The following USP43 variants were observed in gnomAD, a reference collection of about 807,000 sequenced individuals.
USP43 encodes the protein ubiquitin carboxyl-terminal hydrolase 43.
In USP43, 33 loss-of-function variants were observed where a neutral mutation model predicts 90.7. The observed-to-expected ratio is 0.36, with a 90% CI of 0.28 to 0.49. The LOEUF (loss-of-function observed/expected upper bound fraction) is 0.49. Ranked by LOEUF, USP43 falls within the 20% of genes least tolerant of loss-of-function variation. The pLI, the probability that USP43 is intolerant of heterozygous loss-of-function variation, is 0.98. For missense variants in USP43, 1,274 were observed against 1,476.4 expected, an observed-to-expected ratio of 0.86 and a Z score of 2.25; for synonymous variants, 598 against 615.8, an observed-to-expected ratio of 0.97 and a Z score of 0.43.
At chr17:9,692,852 T>G (rs1481988399) in intron 8 of USP43, among the ~76,000 whole-genome samples, 1 of 152,208 alleles carries the variant, frequency 6.6e-6, no homozygotes, top group Non-Finnish European at 1.5e-5. Flanking sequence ...CTGCTCCAGT[T>G]AAGCATTTAC....
chr17:9,651,201 T>A (rs1911839414), intron 1 of USP43, among the ~76,000 whole-genome samples: 2 of 152,080 alleles, frequency 1.3e-5, no homozygotes. Flanking sequence ...TTTTTGTTTT[T>A]TATTTGAGAC....
chr17:9,645,682 G>A lies in USP43; in HGVS notation c.50G>A (p.Arg17Gln), dbSNP rs924328711. ...GCAGGAGGGGGACCGCTCGCGCCCC[G>A]GCCCCGCCGCCGCCGCTCCCTGCGC... is the stretch of plus-strand genomic sequence containing the variant. ...DAAGGGPLAP[R>Q]PRRRRSLRRL... Residue 17 changes from arginine to glutamine, a missense_variant, in exon 1 of 15, where the codon CGG becomes CAG. Arg to Gln is a conservative substitution (Grantham distance 43). Transcript: ENST00000285199. This position sits in a 1 kb window ranked among gnomAD's most constrained non-coding sequence, Gnocchi z 6.8. 1.2e-5 allele frequency: 15 copies of A among 1,285,490 alleles called. No homozygotes were observed. The highest frequency in any genetic ancestry group is 6.0e-4 in the Middle Eastern group (2 of 3,324). The allele number at this position is 1,285,490 out of a possible 1,614,324, so 79.6% of individuals were successfully genotyped here.
In USP43 at chr17:9,728,812, C is replaced by T. The variant is rs1271419829; in HGVS notation, c.3194C>T (p.Ser1065Leu). The T allele has an allele frequency of 1.9e-6, 3 of 1,612,990 alleles. No homozygotes were observed. The highest frequency in any genetic ancestry group is 2.5e-6 in the Non-Finnish European group (3 of 1,179,466). Reference sequence around the variant, plus strand: ...AGCCGGCTCGAGAGGGATGTCTGGTCAGCCCCCAGCTCTCTCCGCCTCCCT... The same window carrying T: ...AGCCGGCTCGAGAGGGATGTCTGGTTAGCCCCCAGCTCTCTCCGCCTCCCT... ...LGSRLERDVWSAPSSLRLPRK... is the reference protein window; with the variant it reads ...LGSRLERDVWLAPSSLRLPRK... The change falls in exon 15 of 15, where the codon TCA (serine) becomes TTA (leucine). Residue 1065 changes from serine (S) to leucine (L), a missense_variant. Physicochemically the swap from Ser to Leu is moderately radical, Grantham distance 145 (BLOSUM62 -2). Coordinates refer to ENST00000285199, the MANE Select transcript of USP43 (RefSeq NM_153210.5). The surrounding 1 kb of genome is among the most constrained non-coding windows in gnomAD (Gnocchi z 6.2).
intron 1 of USP43, among the ~76,000 whole-genome samples, chr17:9,651,993 A>G (rs931000228): frequency 2.0e-5 from 3 of 152,178 alleles, no homozygotes; most frequent in African/African-American, 7.2e-5. Context: ...ATATGAAATA[A>G]CTAGGAATAA....
At chr17:9,682,178 C>T (rs1597846590) in intron 6 of USP43, among the ~76,000 whole-genome samples, 1 of 152,108 alleles carries the variant, frequency 6.6e-6, no homozygotes, top group African/African-American at 2.4e-5. Flanking sequence ...AAACTGGGGA[C>T]TCTGTAATGA....
At chr17:9,655,276 G>A (rs373132826) in intron 1 of USP43, among the ~76,000 whole-genome samples, 1 of 152,126 alleles carries the variant, frequency 6.6e-6, no homozygotes, top group Non-Finnish European at 1.5e-5. Context: ...ATCACGTGCT[G>A]TGTGCATGTG....
At chr17:9,672,261 G>A (rs572842141) in intron 3 of USP43, among the ~76,000 whole-genome samples, 1 of 152,180 alleles carries the variant, frequency 6.6e-6, no homozygotes, top group African/African-American at 2.4e-5. Flanking sequence ...CTCCCGAAAT[G>A]CTGGAATTAC....
Position 9,690,003 on chromosome 17 carries a change from C to T in USP43, c.1353+3094C>T, listed in dbSNP as rs765423376. 5.2e-4 allele frequency among the ~76,000 whole-genome samples: 79 copies of T among 152,286 alleles called. No homozygotes were observed. In the Middle Eastern group the frequency reaches 0.014, roughly 26 times the overall value. Reference sequence around the variant, plus strand: ...ATTTCGTCTTTGTTGAAGCCGTAGACGAACTGGAACGTGGTTAGAGTCTGG... The same window carrying T: ...ATTTCGTCTTTGTTGAAGCCGTAGATGAACTGGAACGTGGTTAGAGTCTGG... On this transcript the variant is annotated intron_variant, in intron 8 of 14. Transcript: ENST00000285199.
intron 1 of USP43, among the ~76,000 whole-genome samples, chr17:9,655,047 T>C (rs1362089393): frequency 4.6e-5 from 6 of 130,312 alleles, no homozygotes; most frequent in South Asian, 2.6e-4. Flanking sequence ...CTCTAAAGTC[T>C]CCTTTAAATC....
chr17:9,708,729 G>A (rs1470876650), intron 12 of USP43, among the ~76,000 whole-genome samples: 1 of 152,154 alleles, frequency 6.6e-6, no homozygotes, highest in Non-Finnish European at 1.5e-5. Flanking sequence ...CTGGGTTCAA[G>A]CGATTATCCT....
intron 14 of USP43, among the ~76,000 whole-genome samples, chr17:9,724,247 C>T (rs960283166): frequency 1.3e-5 from 2 of 152,120 alleles, no homozygotes; most frequent in Non-Finnish European, 2.9e-5. Context: ...GATGGAGAAG[C>T]TTCAACTCAT....
rs542172675 is a variant in USP43 at position 9,649,331 on chromosome 17, C to T, written c.504+3195C>T. Among the ~76,000 whole-genome samples the T allele has an allele frequency of 3.9e-5, 6 of 151,986 alleles. 1 individual carries two copies. The Middle Eastern group carries it at 0.01, about 258-fold the overall frequency. On this transcript the variant is annotated intron_variant, in intron 1 of 14. Transcript: ENST00000285199. Reference sequence around the variant, plus strand: ...GAAAAACAGAAAGAAAAGTCCTGTCCGTGGTATTACCTAGAATTCTTTTCT... The same window carrying T: ...GAAAAACAGAAAGAAAAGTCCTGTCTGTGGTATTACCTAGAATTCTTTTCT...
intron 9 of USP43, among the ~76,000 whole-genome samples, chr17:9,694,502 A>G (rs1219024463): frequency 6.6e-6 from 1 of 152,244 alleles, no homozygotes; most frequent in Non-Finnish European, 1.5e-5. Context: ...ACGAATGTTA[A>G]AGCAATATGA....
chr17:9,728,926 A>G lies in USP43; in HGVS notation c.3308A>G (p.Gln1103Arg). 1.2e-6 allele frequency: 2 copies of G among 1,609,156 alleles called. No homozygotes were observed. Among genetic ancestry groups the G allele is most frequent in the Admixed American group, 1.7e-5 (1 of 59,052 alleles). Residue 1103 changes from glutamine to arginine, a missense_variant, in exon 15 of 15, where the codon CAG (glutamine) becomes CGG (arginine). By Grantham distance (43) the Gln-to-Arg change is conservative (BLOSUM62 1). This residue lies in a region of USP43 where 353 missense variants were observed against 329.7 expected (regional missense o/e 1.07). Transcript: ENST00000285199. The surrounding 1 kb of genome is among the most constrained non-coding windows in gnomAD (Gnocchi z 6.2). ...GAGCAGGCTTCTTATGGCACCTTTC[A>G]GAGAGTCAAATATCACACTCTTTCT... The part of the protein sequence containing the change: ...PGEQASYGTF[Q>R]RVKYHTLSLG...
intron 3 of USP43, among the ~76,000 whole-genome samples, chr17:9,668,556 G>C (rs1180563366): frequency 1.3e-5 from 2 of 152,204 alleles, no homozygotes; most frequent in Admixed American, 6.5e-5. Context: ...CACTTGACAA[G>C]TTCTCTCACG....
chr17:9,686,924 TGC>T lies in USP43; in HGVS notation c.1353+17_1353+18del, dbSNP rs769327700. 4 of 1,607,362 alleles carry T rather than the reference TGC, an allele frequency of 2.5e-6. No individual in the cohort carries two copies. The highest frequency in any genetic ancestry group is 2.2e-5 in the East Asian group (1 of 44,792). On this transcript the variant is annotated intron_variant, in intron 8 of 14. Coordinates refer to ENST00000285199, the MANE Select transcript of USP43 (RefSeq NM_153210.5). This position sits in a 1 kb window ranked among gnomAD's most constrained non-coding sequence, Gnocchi z 5.5. ...CCCCTGTACAGGTCAGTGGTGTGCA[TGC>T]GTGTGTGTGTGTGTGCGTGCATGCG...
At chr17:9,690,808 T>G (rs946914559) in intron 8 of USP43, among the ~76,000 whole-genome samples, 10 of 152,042 alleles carry the variant, frequency 6.6e-5, no homozygotes, top group Non-Finnish European at 8.8e-5. Flanking sequence ...TCACTTGAAC[T>G]GGAGAGGAGG....
intron 3 of USP43, 120 bp downstream of exon 3, chr17:9,666,871 C>T: frequency 1.4e-6 from 1 of 730,606 alleles, no homozygotes. Flanking sequence ...CCACAAACAC[C>T]CTTCTCTCTC....
chr17:9,651,442 G>T (rs981127714), intron 1 of USP43, among the ~76,000 whole-genome samples: 13 of 152,072 alleles, frequency 8.5e-5, no homozygotes, highest in African/African-American at 3.1e-4. Flanking sequence ...ACTTTACCCA[G>T]CCCATCTGCT....
Sources: gnomAD v4.1 joint callset for allele counts (sites outside exome capture counted in the v4.1 genomes callset) on GRCh38, gnomAD v4.1.1 for gene constraint, gnomAD v4.1.1 regional missense constraint, Gnocchi (gnomAD v3.1) non-coding constraint, MANE v1.5 for transcripts, NCBI Gene and HGNC (gene_info 2026-07-23, HGNC 2026-07-21) for gene names.